DENND5A: variants seen among roughly 807,000 people sequenced by gnomAD.
DENND5A encodes the protein DENN domain-containing protein 5A.
In DENND5A, 64 loss-of-function variants were observed where a neutral mutation model predicts 140.3. The ratio of observed to expected loss-of-function variants is 0.46; its 90% CI spans 0.37 to 0.56. The LOEUF (loss-of-function observed/expected upper bound fraction) is 0.56, where lower values mean the gene tolerates loss of function less well. Among genes scored for constraint, DENND5A ranks in the 20% least tolerant of loss-of-function variants. The pLI is 0.00. For synonymous variants in DENND5A, 605 were observed against 607.7 expected (o/e 1.00, Z 0.07); for missense variants, 1,292 against 1,593.8 (o/e 0.81, Z 3.22).
At chr11:9,191,258 G>A (rs1849114698) in intron 5 of DENND5A, among the ~76,000 whole-genome samples, 1 of 151,788 alleles carries the variant, frequency 6.6e-6, no homozygotes, top group African/African-American at 2.4e-5. Context: ...CACCCAGGCT[G>A]GAGTGCAGTG....
At chr11:9,166,242 C>T (rs928295949) in intron 10 of DENND5A, among the ~76,000 whole-genome samples, 6 of 152,078 alleles carry the variant, frequency 3.9e-5, no homozygotes, top group Admixed American at 1.3e-4. Flanking sequence ...CCACGCCCGG[C>T]TAATTTTTTG....
Position 9,169,709 on chromosome 11 carries a change from C to G in DENND5A, c.2151+147G>C, listed in dbSNP as rs992184619. 3 of 541,022 alleles carry G rather than the reference C, an allele frequency of 5.5e-6. No individual in the cohort carries two copies. In the African/African-American group the frequency reaches 5.7e-5, roughly 10 times the overall value. The allele number at this position is 541,022 out of a possible 1,614,324, so 33.5% of individuals were successfully genotyped here. On this transcript the variant is annotated intron_variant, in intron 10 of 22. Transcript: ENST00000328194. ...ATAACCCAGGCCCAGCATTAGATAT[C>G]AGGAACTAGACCTATTATTAACCCT...
intron 8 of DENND5A, among the ~76,000 whole-genome samples, chr11:9,172,964 T>C (rs1450592479): frequency 1.3e-5 from 2 of 149,992 alleles, no homozygotes; most frequent in Non-Finnish European, 3.0e-5. Context: ...TACAAGCACG[T>C]ACTATCATGC....
chr11:9,181,605 G>A (rs1355322544), intron 5 of DENND5A, among the ~76,000 whole-genome samples: 2 of 152,080 alleles, frequency 1.3e-5, no homozygotes, highest in Middle Eastern at 3.2e-3. Context: ...AGGGATGGTG[G>A]CATGCACCTA....
chr11:9,164,676 C>T (rs1025849219), intron 11 of DENND5A, among the ~76,000 whole-genome samples: 7 of 152,088 alleles, frequency 4.6e-5, no homozygotes, highest in African/African-American at 1.7e-4. Context: ...CGGAATGACA[C>T]ATTTTAGCCT....
At chr11:9,250,344 TAA>T (rs1851668532) in intron 1 of DENND5A, among the ~76,000 whole-genome samples, 1 of 151,382 alleles carries the variant, frequency 6.6e-6, no homozygotes, top group Non-Finnish European at 1.5e-5. Context: ...CCAGAACTGA[TAA>T]AGAGTGGGGA....
chr11:9,249,303 T>C (rs1283399851), intron 1 of DENND5A, among the ~76,000 whole-genome samples: 3 of 152,166 alleles, frequency 2.0e-5, no homozygotes, highest in Non-Finnish European at 4.4e-5. Flanking sequence ...CGAAAAAGCA[T>C]GTAATTTGTT....
intron 1 of DENND5A, among the ~76,000 whole-genome samples, chr11:9,258,461 C>T (rs11042250): frequency 0.037 from 5,652 of 152,138 alleles, 369 homozygotes; most frequent in African/African-American, 0.13. Context: ...TGAACTCATC[C>T]TTTTTTATGG....
chr11:9,240,062 C>T (rs556299835), intron 1 of DENND5A, among the ~76,000 whole-genome samples: 139 of 152,312 alleles, frequency 9.1e-4, no homozygotes, highest in African/African-American at 3.2e-3. Context: ...GATAATAGTA[C>T]TCTTTCCCTC....
chr11:9,145,131 A>G lies in DENND5A; in HGVS notation c.3004-18T>C. ...TTCTGGCACTATTAGAGAATAGAGA[A>G]GATGAGGTAGGTCAGGAAAATCAGA... On this transcript the variant is annotated intron_variant, in intron 17 of 22. Coordinates refer to ENST00000328194, the MANE Select transcript of DENND5A (RefSeq NM_015213.4). 1.3e-6 allele frequency: 2 copies of G among 1,553,284 alleles called. No homozygotes were observed. The highest frequency in any genetic ancestry group is 1.8e-6 in the Non-Finnish European group (2 of 1,124,610).
intron 1 of DENND5A, among the ~76,000 whole-genome samples, chr11:9,262,552 C>T (rs1852251423): frequency 6.6e-6 from 1 of 152,190 alleles, no homozygotes; most frequent in African/African-American, 2.4e-5. Context: ...ACAGGCCCCA[C>T]TGTCCTTCCT....
chr11:9,168,981 G>C (rs1267897058), intron 10 of DENND5A, among the ~76,000 whole-genome samples: 1 of 152,116 alleles, frequency 6.6e-6, no homozygotes, highest in Non-Finnish European at 1.5e-5. Flanking sequence ...GAGAAACTCA[G>C]CTTACAAGCA....
chr11:9,235,201 C>A (rs532872362), intron 1 of DENND5A, among the ~76,000 whole-genome samples: 4 of 152,092 alleles, frequency 2.6e-5, no homozygotes, highest in African/African-American at 9.7e-5. Context: ...GCACTATTCA[C>A]AACAGGCAAA....
chr11:9,254,943 T>C (rs1851881143), intron 1 of DENND5A, among the ~76,000 whole-genome samples: 1 of 151,816 alleles, frequency 6.6e-6, no homozygotes, highest in African/African-American at 2.4e-5. Context: ...TGATGGCAGA[T>C]GCATGTAATC....
At chr11:9,170,554 GC>G (rs1003115204) in intron 9 of DENND5A, 72 bp downstream of exon 9, 1 of 1,562,790 alleles carries the variant, frequency 6.4e-7, no homozygotes, top group African/African-American at 1.4e-5. Context: ...AGGGGTAACA[GC>G]CCTAGCCCAG....
intron 1 of DENND5A, among the ~76,000 whole-genome samples, chr11:9,243,313 G>A (rs1851324736): frequency 6.6e-6 from 1 of 152,008 alleles, no homozygotes; most frequent in African/African-American, 2.4e-5. Context: ...CTTTTAATAC[G>A]CAGGGGAAAG....
intron 22 of DENND5A, among the ~76,000 whole-genome samples, chr11:9,140,650 A>G (rs930872349): frequency 6.6e-5 from 10 of 152,210 alleles, no homozygotes; most frequent in African/African-American, 2.4e-4. Flanking sequence ...TGTGTTTCCT[A>G]TTACTGCCCT....
chr11:9,264,430 T>C (rs980408191), intron 1 of DENND5A, among the ~76,000 whole-genome samples: 2 of 152,086 alleles, frequency 1.3e-5, no homozygotes, highest in Non-Finnish European at 2.9e-5. Context: ...AAGTTCACTT[T>C]ATTACTTCAT....
rs192413845 is a variant in DENND5A at position 9,180,438 on chromosome 11, G to A, written c.1455+329C>T. Among the ~76,000 whole-genome samples, 60 of 152,304 alleles carry A rather than the reference G, an allele frequency of 3.9e-4. 1 individual carries two copies. In the East Asian group the frequency reaches 9.6e-3, roughly 24 times the overall value. ...ACCACACTCCAGCCTGAGTGACAGA[G>A]TAAGAACCTCTCTCAAAAAATAAAA... On this transcript the variant is annotated intron_variant, in intron 6 of 22. Transcript: ENST00000328194.
Sources: gnomAD v4.1 joint callset for allele counts (sites outside exome capture counted in the v4.1 genomes callset) on GRCh38, gnomAD v4.1.1 for gene constraint, MANE v1.5 for transcripts, NCBI Gene and HGNC (gene_info 2026-07-23, HGNC 2026-07-21) for gene names.